HERC3: variants seen among roughly 807,000 people sequenced by gnomAD.
HERC3 encodes the protein HECT and RLD domain containing E3 ubiquitin protein ligase 3.
In HERC3, 58 loss-of-function variants were observed where a neutral mutation model predicts 129.9. The ratio of observed to expected loss-of-function variants is 0.45; its 90% CI spans 0.36 to 0.56. The LOEUF is 0.56. Among genes scored for constraint, HERC3 ranks in the 20% least tolerant of loss-of-function variants. The pLI is 0.00. For missense variants in HERC3, 835 were observed against 1,244.2 expected, an observed-to-expected ratio of 0.67 and a Z score of 4.95; for synonymous variants, 430 against 451.0, an observed-to-expected ratio of 0.95 and a Z score of 0.59.
the HERC3 span, among the ~76,000 whole-genome samples, chr4:88,559,762 C>T: frequency 6.6e-6 from 1 of 152,078 alleles, no homozygotes; most frequent in Non-Finnish European, 1.5e-5. Flanking sequence ...GTGCAGATGT[C>T]TTTACAGGGT....
chr4:88,547,889 T>G, the HERC3 span, among the ~76,000 whole-genome samples: 1 of 152,240 alleles, frequency 6.6e-6, no homozygotes, highest in African/African-American at 2.4e-5. Flanking sequence ...CTCCTGGCCT[T>G]GAATGATCTG....
chr4:88,657,161 T>A (rs1729994219), intron 9 of HERC3: 1 of 152,182 alleles, frequency 6.6e-6, no homozygotes, highest in Non-Finnish European at 1.5e-5. Context: ...TTAATTTTGA[T>A]TTTGAAGTCG....
intron 16 of HERC3, among the ~76,000 whole-genome samples, chr4:88,675,871 T>C (rs1054483260): frequency 7.2e-5 from 11 of 152,130 alleles, no homozygotes; most frequent in Admixed American, 2.6e-4. Context: ...ATTGTCCACT[T>C]TACCCAACAA....
chr4:88,527,584 G>A, the HERC3 span: 3 of 209,230 alleles, frequency 1.4e-5, no homozygotes, highest in African/African-American at 7.2e-5. Context: ...TGGTTCTGTG[G>A]CTGCTGCAGT....
In HERC3 at chr4:88,707,617, C is replaced by G. The variant is rs1279083925; in HGVS notation, c.*657C>G. 1 of 152,270 alleles carries G rather than the reference C, an allele frequency of 6.6e-6. No individual in the cohort carries two copies. The highest frequency in any genetic ancestry group is 1.5e-5 in the Non-Finnish European group (1 of 68,108). The allele number at this position is 152,270 out of a possible 1,614,324, so 9.4% of individuals were successfully genotyped here. On this transcript the variant is annotated 3_prime_UTR_variant, in exon 26 of 26. Transcript: ENST00000402738. Reference sequence around the variant, plus strand: ...AAGTTCTTGAGGGAATAGCAACTTTCCCATGGCTGTGCCTATTTCCTAGAC... The same window carrying G: ...AAGTTCTTGAGGGAATAGCAACTTTGCCATGGCTGTGCCTATTTCCTAGAC...
At chr4:88,544,007 T>C in the HERC3 span, among the ~76,000 whole-genome samples, 1 of 152,192 alleles carries the variant, frequency 6.6e-6, no homozygotes. Flanking sequence ...GACATAGGCA[T>C]GGGCAAAGAC....
upstream of HERC3, among the ~76,000 whole-genome samples, chr4:88,588,076 A>G (rs1721576551): frequency 6.6e-6 from 1 of 152,238 alleles, no homozygotes; most frequent in South Asian, 2.1e-4. Context: ...AATACATTTT[A>G]ATTTATATGA....
In HERC3 at chr4:88,617,012, A is replaced by G. The variant is rs562629888; in HGVS notation, c.226+10963A>G. Among the ~76,000 whole-genome samples the G allele has an allele frequency of 9.2e-5, 14 of 152,138 alleles. No homozygotes were observed. In the South Asian group the frequency reaches 2.5e-3, roughly 27 times the overall value. On this transcript the variant is annotated intron_variant, in intron 3 of 25. Coordinates refer to ENST00000402738, the MANE Select transcript of HERC3 (RefSeq NM_014606.3). ...ACCAGCCAGGGTCAGCCTTGCCACT[A>G]TGCCATGTTTTTTTGGGCGCCAGAA...
Position 88,605,994 on chromosome 4 carries a change from A to G in HERC3, c.171A>G (p.Thr57=), listed in dbSNP as rs61740956. 1.3e-3 allele frequency: 2,117 copies of G among 1,614,154 alleles called. 18 individuals are homozygous for G. In the African/African-American group the frequency reaches 0.025, roughly 19 times the overall value. Residue 57 remains threonine (T), a synonymous_variant, in exon 3 of 26, where the codon ACA becomes ACG. Coordinates refer to ENST00000402738, the MANE Select transcript of HERC3 (RefSeq NM_014606.3). The part of the protein sequence containing the change: ...VFLLEDGEVY[T]CGLNTKGQLG... ...TGCTGGAAGATGGGGAAGTTTACAC[A>G]TGTGGTTTGAACACCAAGGGGCAAC...
At chr4:88,615,076 C>T (rs1724755482) in intron 3 of HERC3, among the ~76,000 whole-genome samples, 3 of 152,236 alleles carry the variant, frequency 2.0e-5, no homozygotes, top group South Asian at 2.1e-4. Flanking sequence ...GTTGGAGGAG[C>T]GAATTGTAAC....
intron 3 of HERC3, among the ~76,000 whole-genome samples, chr4:88,625,963 A>G (rs1726051573): frequency 6.6e-6 from 1 of 152,162 alleles, no homozygotes; most frequent in Admixed American, 6.6e-5. Flanking sequence ...ATGTTTGAGT[A>G]TTAAGCCAAC....
Position 88,706,828 on chromosome 4 carries a change from C to A in HERC3, c.3021C>A (p.Ser1007Arg). Reference protein sequence around the residue: ...SLQIVIQSTASGEEYLPVAHT... With the variant: ...SLQIVIQSTARGEEYLPVAHT... ...AGATTGTCATCCAGTCCACAGCCAG[C>A]GGGGAGGAGTACTTGCCGGTGGCCC... is the stretch of plus-strand genomic sequence containing the variant. Residue 1007 changes from serine to arginine, a missense_variant, in exon 26 of 26, where the codon AGC (serine) becomes AGA (arginine). Ser to Arg is a moderately radical substitution (Grantham distance 110, BLOSUM62 -1). Transcript: ENST00000402738. 6.2e-7 allele frequency: 1 copy of A among 1,614,098 alleles called. No homozygotes were observed.
the HERC3 span, among the ~76,000 whole-genome samples, chr4:88,540,484 A>C: frequency 6.6e-6 from 1 of 152,254 alleles, no homozygotes; most frequent in Non-Finnish European, 1.5e-5. Flanking sequence ...TGTACCTGAA[A>C]GTGACAGGGA....
At chr4:88,566,411 C>CA in the HERC3 span, among the ~76,000 whole-genome samples, 1 of 111,476 alleles carries the variant, frequency 9.0e-6, no homozygotes, top group African/African-American at 7.9e-5. Flanking sequence ...TAACTTCCTT[C>CA]CCCCCTTTGC....
chr4:88,676,746 A>G (rs1476443452), intron 18 of HERC3, among the ~76,000 whole-genome samples: 2 of 152,250 alleles, frequency 1.3e-5, no homozygotes, highest in Non-Finnish European at 2.9e-5. Context: ...GAGCATGGCT[A>G]TATTCCAACA....
chr4:88,692,608 C>G (rs992531768), intron 23 of HERC3, among the ~76,000 whole-genome samples: 1 of 152,176 alleles, frequency 6.6e-6, no homozygotes, highest in African/African-American at 2.4e-5. Flanking sequence ...TGGACTATTA[C>G]AGGAACTGCA....
At chr4:88,595,426 G>A (rs1469886531) in intron 1 of HERC3, 131 bp from the exon 2 acceptor site, 1 of 152,140 alleles carries the variant, frequency 6.6e-6, no homozygotes, top group Non-Finnish European at 1.5e-5. Flanking sequence ...AATGCGTGGG[G>A]AATATTCAAG....
In HERC3 at chr4:88,667,380, T is replaced by C. The variant is rs761865997; in HGVS notation, c.1335T>C (p.Ile445=). 7 of 1,569,328 alleles carry C rather than the reference T, an allele frequency of 4.5e-6. No individual in the cohort carries two copies. The highest frequency in any genetic ancestry group is 6.1e-6 in the Non-Finnish European group (7 of 1,148,420). The change falls in exon 13 of 26, where the codon ATT becomes ATC. Residue 445 remains isoleucine, a synonymous_variant. Transcript: ENST00000402738. ...CWNGSFLEKK[I]DEHFKTSPKI... ...CTTTTTGATTTTGTTTGTTTAGAAT[T>C]GATGAACATTTTAAAACGAGTCCCA...
At chr4:88,665,871 T>C (rs1730993508) in intron 12 of HERC3, among the ~76,000 whole-genome samples, 1 of 152,220 alleles carries the variant, frequency 6.6e-6, no homozygotes, top group African/African-American at 2.4e-5. Context: ...ATATTCTGGA[T>C]TATGCTGATG....
Sources: allele counts gnomAD v4.1 joint callset (sites outside exome capture counted in the v4.1 genomes callset), GRCh38; gene constraint gnomAD v4.1.1; transcripts MANE v1.5; gene names NCBI Gene and HGNC (gene_info 2026-07-23, HGNC 2026-07-21).